XXYLT1: variants seen among roughly 807,000 people sequenced by gnomAD.
XXYLT1 encodes the protein xyloside xylosyltransferase 1.
XXYLT1 carries 20 observed loss-of-function variants against 28.9 expected under a neutral mutation model. The observed-to-expected ratio is 0.69, with a 90% CI of 0.49 to 1.00. The LOEUF is 1.00. XXYLT1 is among the 50% of genes least tolerant of loss of function. The pLI is 0.00. For synonymous variants in XXYLT1, 257 were observed against 253.8 expected, an observed-to-expected ratio of 1.01 and a Z score of -0.12; for missense variants, 542 against 560.1, an observed-to-expected ratio of 0.97 and a Z score of 0.33.
intron 3 of XXYLT1, among the ~76,000 whole-genome samples, chr3:195,143,784 T>TTTTATATATATATATATATATATATA (rs1553809415): frequency 8.8e-6 from 1 of 113,956 alleles, no homozygotes; most frequent in Non-Finnish European, 1.7e-5. Context: ...TGTTCTCTCA[T>TTTTATATATATATATATATATATATA]TATATATATA....
At chr3:195,137,349 A>G (rs933646138) in intron 3 of XXYLT1, among the ~76,000 whole-genome samples, 1 of 152,188 alleles carries the variant, frequency 6.6e-6, no homozygotes, top group African/African-American at 2.4e-5. Flanking sequence ...AAAACCACAC[A>G]TGGTCAGCTC....
At chr3:195,230,849 CT>C (rs1365668824) in intron 1 of XXYLT1, among the ~76,000 whole-genome samples, 1 of 152,112 alleles carries the variant, frequency 6.6e-6, no homozygotes, top group African/African-American at 2.4e-5. Flanking sequence ...CTCAAGATAG[CT>C]TTGGCTATTC....
At chr3:195,164,141 C>T (rs59682436) in intron 2 of XXYLT1, among the ~76,000 whole-genome samples, 6,308 of 152,284 alleles carry the variant, frequency 0.041, 441 homozygotes, top group African/African-American at 0.14. Context: ...TAGCAGTACT[C>T]CCACAGAAGG....
intron 3 of XXYLT1, among the ~76,000 whole-genome samples, chr3:195,099,041 C>G (rs769854335): frequency 6.6e-6 from 1 of 152,156 alleles, no homozygotes; most frequent in Non-Finnish European, 1.5e-5. Flanking sequence ...CTTTCCAAAG[C>G]TGTGGATACC....
At chr3:195,252,515 T>C (rs887843252) in intron 1 of XXYLT1, among the ~76,000 whole-genome samples, 1 of 152,058 alleles carries the variant, frequency 6.6e-6, no homozygotes, top group African/African-American at 2.4e-5. Context: ...TAATATAAAT[T>C]AGCAGGAAAA....
chr3:195,135,752 T>C (rs1245190383), intron 3 of XXYLT1, among the ~76,000 whole-genome samples: 1 of 151,898 alleles, frequency 6.6e-6, no homozygotes, highest in African/African-American at 2.4e-5. Context: ...GGGAAAGAGA[T>C]TTTCTACAGT....
At position 195,257,964 on chromosome 3, in the gene XXYLT1, T is replaced by C. The variant is rs997774565; in HGVS notation, c.504+12591A>G. ...CACCCACAATCCTCGACCCTGTGTCTTCCTACCCCCTAGACAGCAGGTGGC... is the reference window on the plus strand; with the variant it reads ...CACCCACAATCCTCGACCCTGTGTCCTCCTACCCCCTAGACAGCAGGTGGC... On this transcript the variant is annotated intron_variant, in intron 1 of 3. Coordinates refer to ENST00000310380, the MANE Select transcript of XXYLT1 (RefSeq NM_152531.5). The surrounding 1 kb of genome is among the most constrained non-coding windows in gnomAD (Gnocchi z 4.3). 6.6e-6 allele frequency among the ~76,000 whole-genome samples: 1 copy of C among 152,098 alleles called. No individual in the cohort carries two copies. Among genetic ancestry groups the C allele is most frequent in the Non-Finnish European group, 1.5e-5 (1 of 67,984 alleles).
intron 2 of XXYLT1, among the ~76,000 whole-genome samples, chr3:195,172,890 C>T (rs751750644): frequency 3.9e-5 from 6 of 152,070 alleles, no homozygotes; most frequent in Non-Finnish European, 7.4e-5. Flanking sequence ...TGTTAAAAAG[C>T]GGGGAGGAGA....
intron 2 of XXYLT1, among the ~76,000 whole-genome samples, chr3:195,214,585 C>T (rs11917903): frequency 0.046 from 6,998 of 152,254 alleles, 569 homozygotes; most frequent in African/African-American, 0.16. Context: ...CATCCACAAT[C>T]GTAGGGGGGC....
chr3:195,245,436 A>C (rs13062574), intron 1 of XXYLT1, among the ~76,000 whole-genome samples: 129,293 of 152,000 alleles, frequency 0.85, 55,519 homozygotes, highest in African/African-American at 0.96. Context: ...GGATTACAGG[A>C]ATGAGCCACT....
At chr3:195,102,995 T>C (rs1036230958) in intron 3 of XXYLT1, among the ~76,000 whole-genome samples, 14 of 152,246 alleles carry the variant, frequency 9.2e-5, no homozygotes, top group Non-Finnish European at 1.9e-4. Flanking sequence ...TCTTGTGTTT[T>C]TGACAATGGC....
At chr3:195,136,167 C>T (rs970005910) in intron 3 of XXYLT1, among the ~76,000 whole-genome samples, 4 of 152,166 alleles carry the variant, frequency 2.6e-5, no homozygotes, top group African/African-American at 9.7e-5. Context: ...GAGCCCCACA[C>T]GTCAGAGCAG....
rs139628860 is a variant in XXYLT1, at chr3:195,171,126, C to A, written c.653-14545G>T. ...CAAACCCAACAGCAAAAGCAGCCAA[C>A]GGGCTTCCCTCTGAGTTAACAGCCA... On this transcript the variant is annotated intron_variant, in intron 2 of 3. Transcript: ENST00000310380. Among the ~76,000 whole-genome samples, 9 of 152,330 alleles carry A rather than the reference C, an allele frequency of 5.9e-5. No individual in the cohort carries two copies. In the East Asian group the frequency reaches 1.7e-3, roughly 29 times the overall value.
intron 3 of XXYLT1, among the ~76,000 whole-genome samples, chr3:195,099,682 T>A (rs1716659539): frequency 6.6e-6 from 1 of 151,968 alleles, no homozygotes; most frequent in Non-Finnish European, 1.5e-5. Flanking sequence ...TACAAAAAAA[T>A]TAGCCGGGCG....
chr3:195,102,776 G>A (rs532727871), intron 3 of XXYLT1, among the ~76,000 whole-genome samples: 6 of 152,302 alleles, frequency 3.9e-5, no homozygotes, highest in African/African-American at 1.4e-4. Context: ...GTGAGCACGG[G>A]AGAGCAGTTA....
At chr3:195,265,116 T>G (rs1284064374) in intron 1 of XXYLT1, among the ~76,000 whole-genome samples, 1 of 151,400 alleles carries the variant, frequency 6.6e-6, no homozygotes, top group African/African-American at 2.4e-5. Flanking sequence ...ACATTTGTAA[T>G]GCCAGCACTT....
chr3:195,113,263 A>G (rs1717877311), intron 3 of XXYLT1, among the ~76,000 whole-genome samples: 1 of 152,224 alleles, frequency 6.6e-6, no homozygotes, highest in African/African-American at 2.4e-5. Flanking sequence ...ACGGAGGTGA[A>G]CATCTGGCGG....
chr3:195,200,526 A>ACAT (rs1039080988), intron 2 of XXYLT1, among the ~76,000 whole-genome samples: 5 of 152,338 alleles, frequency 3.3e-5, no homozygotes, highest in African/African-American at 1.2e-4. Flanking sequence ...ATGCAACAGG[A>ACAT]CATAGCACTT....
At chr3:195,074,159 A>G (rs1472128528) in intron 3 of XXYLT1, among the ~76,000 whole-genome samples, 1 of 152,152 alleles carries the variant, frequency 6.6e-6, no homozygotes, top group Non-Finnish European at 1.5e-5. Context: ...GGAGGAAGCG[A>G]GGATGGGAAA....
Sources: allele counts gnomAD v4.1 joint callset (sites outside exome capture counted in the v4.1 genomes callset), GRCh38; gene constraint gnomAD v4.1.1; non-coding constraint Gnocchi (gnomAD v3.1); transcripts MANE v1.5; gene names NCBI Gene and HGNC (gene_info 2026-07-23, HGNC 2026-07-21).